Variants in PDE4D observed in about 807,000 individuals in gnomAD.
PDE4D encodes 3',5'-cyclic-AMP phosphodiesterase 4D.
PDE4D carries 24 observed loss-of-function variants against 87.4 expected under a neutral mutation model. The ratio of observed to expected loss-of-function variants is 0.27; its 90% confidence interval spans 0.20 to 0.39. The LOEUF is 0.39. PDE4D is among the 10% of genes least tolerant of loss of function. PDE4D has a pLI of 1.00. For missense variants in PDE4D, 714 were observed against 1,041.0 expected (o/e 0.69, Z 4.32); for synonymous variants, 384 against 383.2 (o/e 1.00, Z -0.02).
chr5:60,455,035 G>C (rs251726), intron 1 of PDE4D, among the ~76,000 whole-genome samples: 16,795 of 151,768 alleles, frequency 0.11, 1,324 homozygotes, highest in East Asian at 0.37. Flanking sequence ...AGAGAATTTG[G>C]GAAAACAGAA....
intron 1 of PDE4D, among the ~76,000 whole-genome samples, chr5:59,634,839 G>A (rs1832028302): frequency 6.6e-6 from 1 of 152,034 alleles, no homozygotes; most frequent in Non-Finnish European, 1.5e-5. Context: ...AGAGAAGCAA[G>A]GGCAAACACA....
intron 5 of PDE4D, among the ~76,000 whole-genome samples, chr5:59,168,708 G>A (rs1782277621): frequency 6.6e-6 from 1 of 151,934 alleles, no homozygotes; most frequent in Non-Finnish European, 1.5e-5. Flanking sequence ...GAAGGAGAGA[G>A]AAAAAAAAGA....
intron 1 of PDE4D, among the ~76,000 whole-genome samples, chr5:59,304,721 C>A (rs546701756): frequency 1.4e-3 from 211 of 152,108 alleles, no homozygotes; most frequent in Middle Eastern, 0.01. Flanking sequence ...TACATTAAAC[C>A]ATCTCTGCAC....
intron 6 of PDE4D, among the ~76,000 whole-genome samples, chr5:59,031,388 T>TATATATATATATATAG (rs1757433770): frequency 2.2e-5 from 1 of 45,068 alleles, no homozygotes; most frequent in Non-Finnish European, 3.6e-5. Context: ...TATATATATA[T>TATATATATATATATAG]ATATTATATA....
intron 5 of PDE4D, among the ~76,000 whole-genome samples, chr5:59,084,062 T>TA (rs1767257461): frequency 6.6e-6 from 1 of 152,076 alleles, no homozygotes; most frequent in Non-Finnish European, 1.5e-5. Flanking sequence ...CAGGAAATTC[T>TA]AAAAAATAAG....
intron 1 of PDE4D, among the ~76,000 whole-genome samples, chr5:59,758,908 T>G (rs979584401): frequency 6.6e-6 from 1 of 152,164 alleles, no homozygotes; most frequent in Non-Finnish European, 1.5e-5. Context: ...AATGCCTTTA[T>G]AACCATATGA....
Position 59,091,826 on chromosome 5 carries a change from T to G in PDE4D, c.809-52855A>C, listed in dbSNP as rs144400291. 1.8e-3 allele frequency among the ~76,000 whole-genome samples: 278 copies of G among 152,264 alleles called. 3 individuals carry two copies. The East Asian group carries it at 0.026, about 14-fold the overall frequency. On this transcript the variant is annotated intron_variant, in intron 5 of 14. Transcript: ENST00000340635. Reference sequence around the variant, plus strand: ...TTTCACAATTTAAAAATTTATAAAATGATAATTTTACAAAGCCTAAAAGAT... The same window carrying G: ...TTTCACAATTTAAAAATTTATAAAAGGATAATTTTACAAAGCCTAAAAGAT...
intron 6 of PDE4D, among the ~76,000 whole-genome samples, chr5:59,005,777 A>G (rs1407935788): frequency 6.6e-6 from 1 of 152,222 alleles, no homozygotes. Context: ...CATATTCAAT[A>G]ACTTGCTCCA....
At chr5:59,549,289 A>C (rs1031267616) in intron 1 of PDE4D, among the ~76,000 whole-genome samples, 3 of 152,186 alleles carry the variant, frequency 2.0e-5, no homozygotes, top group Non-Finnish European at 4.4e-5. Context: ...AGCAAATTAA[A>C]ACTGAGTGTG....
At chr5:60,210,171 T>A (rs1743025015) in intron 1 of PDE4D, among the ~76,000 whole-genome samples, 1 of 152,108 alleles carries the variant, frequency 6.6e-6, no homozygotes, top group Non-Finnish European at 1.5e-5. Context: ...ATATATTAAC[T>A]CAAAATAAAA....
intron 2 of PDE4D, among the ~76,000 whole-genome samples, chr5:60,118,074 T>C (rs753944231): frequency 1.7e-4 from 26 of 152,282 alleles, no homozygotes; most frequent in Middle Eastern, 6.8e-3. Context: ...CCTTTTGTTG[T>C]TGTTGTTTCT....
intron 1 of PDE4D, among the ~76,000 whole-genome samples, chr5:59,841,866 G>A (rs1012405946): frequency 7.9e-5 from 12 of 152,026 alleles, no homozygotes; most frequent in African/African-American, 2.7e-4. Context: ...AAGAAGCTGC[G>A]AAGAGTTTGG....
intron 1 of PDE4D, among the ~76,000 whole-genome samples, chr5:59,409,063 G>T (rs565735764): frequency 6.6e-6 from 1 of 151,514 alleles, no homozygotes; most frequent in South Asian, 2.1e-4. Context: ...CAGGAGAATC[G>T]CTTGAACCCA....
intron 1 of PDE4D, among the ~76,000 whole-genome samples, chr5:59,258,474 T>C (rs1214940930): frequency 2.0e-5 from 3 of 151,928 alleles, no homozygotes; most frequent in African/African-American, 7.2e-5. Context: ...GTATTTTTTC[T>C]GTATAGAAAC....
At chr5:60,373,403 A>G (rs1761186935) in intron 1 of PDE4D, among the ~76,000 whole-genome samples, 1 of 152,044 alleles carries the variant, frequency 6.6e-6, no homozygotes, top group African/African-American at 2.4e-5. Context: ...CATTTACTCT[A>G]CGTGTATAGA....
chr5:60,086,879 G>A (rs1474932507), intron 2 of PDE4D, among the ~76,000 whole-genome samples: 1 of 152,194 alleles, frequency 6.6e-6, no homozygotes, highest in African/African-American at 2.4e-5. Context: ...AATCAGTGGG[G>A]GTGCCATGTT....
intron 2 of PDE4D, among the ~76,000 whole-genome samples, chr5:60,155,552 A>G (rs967170608): frequency 1.3e-5 from 2 of 152,202 alleles, no homozygotes; most frequent in African/African-American, 4.8e-5. Context: ...ACATGAATGT[A>G]TTAACAACAA....
intron 1 of PDE4D, among the ~76,000 whole-genome samples, chr5:59,696,377 A>G (rs1751777507): frequency 6.6e-6 from 1 of 152,204 alleles, no homozygotes; most frequent in Middle Eastern, 3.2e-3. Context: ...TACATCAATG[A>G]CTACACATCC....
chr5:59,643,615 A>C (rs547510363), intron 1 of PDE4D, among the ~76,000 whole-genome samples: 2 of 152,342 alleles, frequency 1.3e-5, no homozygotes, highest in Admixed American at 1.3e-4. Flanking sequence ...AAAAAAATGT[A>C]TGGTGAAAAT....
Sources: gnomAD v4.1 joint callset for allele counts (sites outside exome capture counted in the v4.1 genomes callset) on GRCh38, gnomAD v4.1.1 for gene constraint, MANE v1.5 for transcripts, NCBI Gene and HGNC (gene_info 2026-07-23, HGNC 2026-07-21) for gene names.